The following ACP3 variants were observed in gnomAD, a reference collection of about 807,000 sequenced individuals.
The protein encoded by ACP3 is acid phosphatase 3.
A neutral mutation model predicts 45.6 loss-of-function variants in ACP3; 38 were observed. That is an observed-to-expected ratio of 0.83 (90% confidence interval 0.64 to 1.09). The LOEUF is 1.09. Ranked by LOEUF, ACP3 falls within the 50% of genes least tolerant of loss-of-function variation. The probability of loss-of-function intolerance (pLI) is 0.00; values close to 1 mark genes in which losing one functional copy is unlikely to be tolerated. For missense variants in ACP3, 466 were observed against 463.2 expected, an observed-to-expected ratio of 1.01 and a Z score of -0.05; for synonymous variants, 162 against 164.7, an observed-to-expected ratio of 0.98 and a Z score of 0.13.
chr3:132,339,945 A>G (rs1333236162), intron 5 of ACP3, among the ~76,000 whole-genome samples: 1 of 152,154 alleles, frequency 6.6e-6, no homozygotes, highest in East Asian at 1.9e-4. Flanking sequence ...CCATCAATCA[A>G]TCATTAGCAT....
rs1937592388 is a variant in ACP3, at chr3:132,344,950, C to A, written c.672C>A (p.Pro224=). The change falls in exon 7 of 10, where the codon CCC becomes CCA. Residue 224 remains proline, a synonymous_variant. Coordinates refer to ENST00000336375, the MANE Select transcript of ACP3 (RefSeq NM_001099.5). ...AGAGTGTTCACAATTTCACTTTACC[C>A]TCCTGGGCCACTGAGGACACCATGA... ...YCESVHNFTL[P]SWATEDTMTK... 22 of 1,613,832 alleles carry A rather than the reference C, an allele frequency of 1.4e-5. No homozygotes were observed. Among genetic ancestry groups the A allele is most frequent in the Non-Finnish European group, 1.5e-5 (18 of 1,179,894 alleles).
chr3:132,343,322 C>G (rs558938827), intron 6 of ACP3, among the ~76,000 whole-genome samples: 1 of 152,270 alleles, frequency 6.6e-6, no homozygotes, highest in East Asian at 1.9e-4. Flanking sequence ...TCGTGAGAGT[C>G]TGGGGGGCAG....
At chr3:132,362,307 T>C (rs1339298183), downstream of ACP3, among the ~76,000 whole-genome samples, 3 of 152,202 alleles carry the variant, frequency 2.0e-5, no homozygotes, top group African/African-American at 7.2e-5. Flanking sequence ...TTCTACCATA[T>C]CATACTCACT....
chr3:132,328,812 T>G (rs1389292120), intron 2 of ACP3, among the ~76,000 whole-genome samples: 1 of 152,118 alleles, frequency 6.6e-6, no homozygotes, highest in Non-Finnish European at 1.5e-5. Flanking sequence ...AAAGACTATA[T>G]GAGCTTAGAA....
chr3:132,350,073 C>G, intron 8 of ACP3, 71 bp downstream of exon 8: 2 of 1,105,814 alleles, frequency 1.8e-6, no homozygotes, highest in Non-Finnish European at 2.7e-6. Context: ...AGGACCTCAT[C>G]TTTTTTTAAT....
intron 8 of ACP3, 64 bp downstream of exon 8, chr3:132,350,066 A>G: frequency 8.6e-7 from 1 of 1,167,136 alleles, no homozygotes; most frequent in Admixed American, 1.8e-5. Context: ...GAAGCACAGG[A>G]CCTCATCTTT....
chr3:132,355,564 C>T (rs1937865827), intron 9 of ACP3, among the ~76,000 whole-genome samples: 1 of 149,264 alleles, frequency 6.7e-6, no homozygotes, highest in Non-Finnish European at 1.5e-5. Flanking sequence ...GTTGCCCAGG[C>T]TAGAGTGTAG....
intron 7 of ACP3, among the ~76,000 whole-genome samples, chr3:132,347,610 G>A (rs1373532195): frequency 6.6e-6 from 1 of 151,776 alleles, no homozygotes; most frequent in Non-Finnish European, 1.5e-5. Context: ...CTCCCAAGTA[G>A]CTGGGACTAC....
intron 5 of ACP3, among the ~76,000 whole-genome samples, chr3:132,341,384 A>G (rs1937551253): frequency 6.6e-6 from 1 of 152,242 alleles, no homozygotes; most frequent in Non-Finnish European, 1.5e-5. Flanking sequence ...TTTTTAATAC[A>G]ATCAAATTAT....
chr3:132,362,042 A>T (rs1262282714), downstream of ACP3, among the ~76,000 whole-genome samples: 1 of 152,190 alleles, frequency 6.6e-6, no homozygotes, highest in Non-Finnish European at 1.5e-5. Context: ...CTAATGATTC[A>T]CATGTTCTTG....
intron 8 of ACP3, 133 bp from the exon 9 acceptor site, chr3:132,352,587 C>A: frequency 1.5e-6 from 1 of 648,718 alleles, no homozygotes; most frequent in Middle Eastern, 2.6e-4. Flanking sequence ...ATCTTTCCTT[C>A]TCTACTTATT....
In ACP3 at chr3:132,356,943, C is replaced by T. The variant is rs562221924; in HGVS notation, c.*65C>T. The T allele has an allele frequency of 8.5e-6, 13 of 1,533,062 alleles. No homozygotes were observed. In the South Asian group the frequency reaches 1.5e-4, roughly 18 times the overall value. 95.0% of individuals were successfully genotyped at this position (1,533,062 alleles called of 1,614,324 possible). A position where few individuals can be genotyped will look rare whatever the true frequency, so the allele number is the denominator to read the frequency against. Reference sequence around the variant, plus strand: ...CTCAGGGCAGATGATGCTTTGAGAACATACTTTGGCCATTACCCCCAGCTT... The same window carrying T: ...CTCAGGGCAGATGATGCTTTGAGAATATACTTTGGCCATTACCCCCAGCTT... On this transcript the variant is annotated 3_prime_UTR_variant, in exon 10 of 10. Transcript: ENST00000336375.
chr3:132,333,943 C>T (rs572389833), intron 4 of ACP3, among the ~76,000 whole-genome samples: 10 of 152,100 alleles, frequency 6.6e-5, no homozygotes, highest in African/African-American at 2.2e-4. Flanking sequence ...TGGTGGTGCA[C>T]GCCTGTAATC....
chr3:132,332,195 T>A lies in ACP3; in HGVS notation c.307T>A (p.Tyr103Asn). 6.2e-7 allele frequency: 1 copy of A among 1,614,172 alleles called. No individual in the cohort carries two copies. Among genetic ancestry groups the A allele is most frequent in the Non-Finnish European group, 8.5e-7 (1 of 1,180,004 alleles). ...TGCTTTGATTTTCCTACTCTAGGTT[T>A]ATATTCGAAGCACAGACGTTGACCG... ...LNESYKHEQV[Y>N]IRSTDVDRTL... is the part of the protein sequence containing the mutation. The change falls in exon 4 of 10, where the codon TAT (tyrosine) becomes AAT (asparagine). Residue 103 changes from tyrosine (Y) to asparagine (N), a missense_variant. Tyr to Asn is a moderately radical substitution (Grantham distance 143, BLOSUM62 -2). Coordinates refer to ENST00000336375, the MANE Select transcript of ACP3 (RefSeq NM_001099.5).
Position 132,345,076 on chromosome 3 carries a change from G to A in ACP3, c.781+17G>A, listed in dbSNP as rs1361058158. The A allele has an allele frequency of 1.2e-6, 2 of 1,606,846 alleles. No individual in the cohort carries two copies. Among genetic ancestry groups the A allele is most frequent in the Admixed American group, 1.7e-5 (1 of 59,678 alleles). On this transcript the variant is annotated intron_variant, in intron 7 of 9. Transcript: ENST00000336375. Reference sequence around the variant, plus strand: ...TCCAAGGGGGTAAGTATTAAAAAATGAGAGGAGCATATTGGATTTGTGGTT... The same window carrying A: ...TCCAAGGGGGTAAGTATTAAAAAATAAGAGGAGCATATTGGATTTGTGGTT...
At chr3:132,343,273 C>G (rs4257547) in intron 6 of ACP3, among the ~76,000 whole-genome samples, 72,977 of 151,880 alleles carry the variant, frequency 0.48, 18,217 homozygotes, top group Middle Eastern at 0.67. Flanking sequence ...AGATTCTGAC[C>G]ACCCACCTAA....
At chr3:132,322,718 A>G (rs1296331761) in intron 1 of ACP3, among the ~76,000 whole-genome samples, 2 of 152,232 alleles carry the variant, frequency 1.3e-5, no homozygotes, top group Non-Finnish European at 2.9e-5. Context: ...TGAATAGGAT[A>G]GAGACTGCTA....
At chr3:132,342,288 T>C (rs553079116) in intron 5 of ACP3, among the ~76,000 whole-genome samples, 3 of 152,304 alleles carry the variant, frequency 2.0e-5, no homozygotes, top group Admixed American at 2.0e-4. Context: ...ACTGGTGCAT[T>C]TTTCTGTGAA....
downstream of ACP3, among the ~76,000 whole-genome samples, chr3:132,363,740 C>T (rs762735187): frequency 4.0e-5 from 6 of 151,096 alleles, no homozygotes; most frequent in Non-Finnish European, 8.8e-5. Context: ...GAGTTCGAGA[C>T]CAGCCTGACC....
Sources: allele counts gnomAD v4.1 joint callset (sites outside exome capture counted in the v4.1 genomes callset), GRCh38; gene constraint gnomAD v4.1.1; transcripts MANE v1.5; gene names NCBI Gene and HGNC (gene_info 2026-07-23, HGNC 2026-07-21).